The following SPNS3 variants were observed in gnomAD, a reference collection of about 807,000 sequenced individuals.
SPNS3 encodes the protein SPNS lysolipid transporter 3, sphingosine-1-phosphate (putative).
A neutral mutation model predicts 54.4 loss-of-function variants in SPNS3; 51 were observed. That is an observed-to-expected ratio of 0.94 (90% CI 0.75 to 1.18). The LOEUF (loss-of-function observed/expected upper bound fraction) is 1.18, where lower values mean the gene tolerates loss of function less well. Among genes scored for constraint, SPNS3 ranks in the 50% most tolerant of loss-of-function variants. The probability of loss-of-function intolerance (pLI) is 0.00; values close to 1 mark genes in which losing one functional copy is unlikely to be tolerated. For missense variants in SPNS3, 669 were observed against 677.4 expected (o/e 0.99, Z 0.14); for synonymous variants, 309 against 294.7 (o/e 1.05, Z -0.50).
At chr17:4,460,875 T>A (rs1971480497) in intron 8 of SPNS3, among the ~76,000 whole-genome samples, 1 of 152,214 alleles carries the variant, frequency 6.6e-6, no homozygotes, top group African/African-American at 2.4e-5. Flanking sequence ...TGTAATGAGT[T>A]GGCAAGTGTT....
At chr17:4,446,302 T>C in intron 4 of SPNS3, 103 bp downstream of exon 4, 1 of 1,343,956 alleles carries the variant, frequency 7.4e-7, no homozygotes, top group Non-Finnish European at 1.0e-6. Flanking sequence ...CCAGGAGGGC[T>C]GGGATTTGAG....
At chr17:4,468,753 CTT>C (rs1555531901) in intron 8 of SPNS3, among the ~76,000 whole-genome samples, 5 of 141,018 alleles carry the variant, frequency 3.5e-5, no homozygotes, top group African/African-American at 1.4e-4. Flanking sequence ...TTCTTTCTTT[CTT>C]TCTTTCTCTC....
At chr17:4,471,225 C>G (rs1200276713) in intron 8 of SPNS3, among the ~76,000 whole-genome samples, 3 of 151,312 alleles carry the variant, frequency 2.0e-5, no homozygotes, top group African/African-American at 4.9e-5. Flanking sequence ...TGCCTGGCCA[C>G]AGTCTGCTCT....
chr17:4,444,975 CA>C, intron 2 of SPNS3, 56 bp from the exon 3 acceptor site: 2 of 1,561,242 alleles, frequency 1.3e-6, no homozygotes, highest in Non-Finnish European at 1.7e-6. Context: ...CCTGCTGGGC[CA>C]TCTGCCCTGC....
At chr17:4,446,620 G>GC in intron 4 of SPNS3, 1 of 558,008 alleles carries the variant, frequency 1.8e-6, no homozygotes, top group South Asian at 2.2e-5. Flanking sequence ...CTCAAGCAGG[G>GC]CCCAGCCTTG....
Position 4,453,199 on chromosome 17 carries a change from C to G in SPNS3, c.1107C>G (p.Ala369=). 1 of 1,612,312 alleles carries G rather than the reference C, an allele frequency of 6.2e-7. No individual in the cohort carries two copies. The change falls in exon 8 of 12, where the codon GCC becomes GCG. Residue 369 remains alanine (A), a synonymous_variant. Coordinates refer to ENST00000355530, the MANE Select transcript of SPNS3 (RefSeq NM_182538.5). ...ALVLAPTTLL[A]SYVFLGLGEL... ...TCCTGGCCCCGACCACCCTGCTGGC[C>G]TCCTATGTAAGTGAGAGCCTCTATG...
intron 9 of SPNS3, chr17:4,485,335 C>T (rs772580054): frequency 8.5e-5 from 13 of 152,126 alleles, no homozygotes; most frequent in Non-Finnish European, 1.6e-4. Flanking sequence ...CAAAGTCACA[C>T]AGCTAGCGAG....
chr17:4,456,391 T>A (rs1971315952), intron 8 of SPNS3, among the ~76,000 whole-genome samples: 1 of 152,258 alleles, frequency 6.6e-6, no homozygotes, highest in Non-Finnish European at 1.5e-5. Context: ...GCACTGCTCA[T>A]CCCTTGTTCT....
chr17:4,445,558 G>A (rs935393987), intron 3 of SPNS3, among the ~76,000 whole-genome samples: 3 of 152,026 alleles, frequency 2.0e-5, no homozygotes, highest in African/African-American at 7.2e-5. Flanking sequence ...GTATTTTTTA[G>A]TAGAGACAGG....
In SPNS3 at chr17:4,449,357, G is replaced by A; in HGVS notation, c.893G>A (p.Cys298Tyr). The change falls in exon 7 of 12, where the codon TGC becomes TAC. Residue 298 changes from cysteine to tyrosine, a missense_variant. By Grantham distance (194) the Cys-to-Tyr change is radical. Transcript: ENST00000355530. ...ARVVHGLQPPCFQEPCSNPDS... is the reference protein window; with the variant it reads ...ARVVHGLQPPYFQEPCSNPDS... ...GTGGTTCACGGGCTGCAGCCTCCCT[G>A]CTTCCAGGAGCCGTGCAGCAACCCC... 6.2e-7 allele frequency: 1 copy of A among 1,606,454 alleles called. No individual in the cohort carries two copies.
At chr17:4,447,406 C>A (rs983674062) in intron 5 of SPNS3, among the ~76,000 whole-genome samples, 3 of 152,198 alleles carry the variant, frequency 2.0e-5, no homozygotes, top group African/African-American at 4.8e-5. Flanking sequence ...GCAGGCCCCG[C>A]TGGGGCTCCA....
In SPNS3 at chr17:4,439,692, C is replaced by A. The variant is rs1193350580; in HGVS notation, c.234C>A (p.Ile78=). The change falls in exon 2 of 12, where the codon ATC becomes ATA. Residue 78 remains isoleucine, a synonymous_variant. Transcript: ENST00000355530. ...VLLDIQEVFQ[I]SDNHAGLLQT... The stretch of plus-strand genomic sequence containing the variant: ...TGGATATACAGGAGGTTTTCCAGAT[C>A]AGTGACAACCATGCTGGTTTGCTTC... The A allele has an allele frequency of 3.7e-6, 6 of 1,613,300 alleles. No homozygotes were observed. In the Admixed American group the frequency reaches 1.0e-4, roughly 27 times the overall value.
chr17:4,457,405 A>AAACC (rs1971343306), intron 8 of SPNS3, among the ~76,000 whole-genome samples: 1 of 152,192 alleles, frequency 6.6e-6, no homozygotes, highest in South Asian at 2.1e-4. Context: ...ACAAACAAAC[A>AAACC]AACAATCAAC....
chr17:4,475,867 A>C (rs541832914), intron 8 of SPNS3, among the ~76,000 whole-genome samples: 1 of 152,296 alleles, frequency 6.6e-6, no homozygotes, highest in East Asian at 1.9e-4. Context: ...CATGGAAGCC[A>C]CTGAACGCTA....
intron 8 of SPNS3, among the ~76,000 whole-genome samples, chr17:4,465,325 C>T (rs770295733): frequency 1.3e-5 from 2 of 152,106 alleles, no homozygotes; most frequent in African/African-American, 4.8e-5. Flanking sequence ...AACTGTGTTG[C>T]CTTTTATGAC....
Position 4,486,347 on chromosome 17 carries a change from T to C in SPNS3, c.1278+21T>C. Reference sequence around the variant, plus strand: ...GACTTGTAAGACGTGTCTGCGTGTGTGGGGTGGGGAGGGTCTGGGGGCCAG... The same window carrying C: ...GACTTGTAAGACGTGTCTGCGTGTGCGGGGTGGGGAGGGTCTGGGGGCCAG... On this transcript the variant is annotated intron_variant, in intron 10 of 11. Coordinates refer to ENST00000355530, the MANE Select transcript of SPNS3 (RefSeq NM_182538.5). This position sits in a 1 kb window ranked among gnomAD's most constrained non-coding sequence, Gnocchi z 5.5. 3 of 1,488,138 alleles carry C rather than the reference T, an allele frequency of 2.0e-6. No homozygotes were observed. The highest frequency in any genetic ancestry group is 2.3e-5 in the East Asian group (1 of 43,098). 92.2% of individuals were successfully genotyped at this position (1,488,138 alleles called of 1,614,324 possible).
chr17:4,467,167 G>A (rs1971698409), intron 8 of SPNS3, among the ~76,000 whole-genome samples: 1 of 152,082 alleles, frequency 6.6e-6, no homozygotes, highest in Non-Finnish European at 1.5e-5. Context: ...CGGTGATGGG[G>A]GAGTGAGGGT....
intron 8 of SPNS3, 73 bp from the exon 9 acceptor site, chr17:4,478,499 C>G: frequency 2.9e-6 from 4 of 1,387,064 alleles, no homozygotes; most frequent in Non-Finnish European, 1.0e-6. Flanking sequence ...CTCCTCTCCA[C>G]AGGTGGGAAG....
At chr17:4,436,521 T>C (rs954738569) in intron 1 of SPNS3, among the ~76,000 whole-genome samples, 3 of 107,842 alleles carry the variant, frequency 2.8e-5, no homozygotes, top group African/African-American at 5.8e-5. Context: ...AGCAGGAGGA[T>C]TGCTTGAGGC....
Sources: allele counts gnomAD v4.1 joint callset (sites outside exome capture counted in the v4.1 genomes callset), GRCh38; gene constraint gnomAD v4.1.1; non-coding constraint Gnocchi (gnomAD v3.1); transcripts MANE v1.5; gene names NCBI Gene and HGNC (gene_info 2026-07-23, HGNC 2026-07-21).